The following ADAM15 variants were observed in gnomAD, a reference collection of about 807,000 sequenced individuals.
ADAM15 encodes the protein ADAM metallopeptidase domain 15, also known as disintegrin and metalloproteinase domain-containing protein 15.
Under a neutral mutation model 113.8 loss-of-function variants are expected in ADAM15, and 77 were observed. That is an observed-to-expected ratio of 0.68 (90% confidence interval 0.56 to 0.82). The LOEUF (loss-of-function observed/expected upper bound fraction) is 0.82, where lower values mean the gene tolerates loss of function less well. ADAM15 is among the 40% of genes least tolerant of loss of function. The probability of loss-of-function intolerance (pLI) is 0.00; values close to 1 mark genes in which losing one functional copy is unlikely to be tolerated. For synonymous variants in ADAM15, 388 were observed against 454.1 expected (o/e 0.85, Z 1.85); for missense variants, 963 against 1,120.1 (o/e 0.86, Z 2.00).
At chr1:155,060,111 C>T in intron 17 of ADAM15, 94 bp from the exon 18 acceptor site, 1 of 1,578,230 alleles carries the variant, frequency 6.3e-7, no homozygotes, top group Non-Finnish European at 8.7e-7. Flanking sequence ...CCTTCACTCT[C>T]CCTGATCACT....
intron 3 of ADAM15, 118 bp downstream of exon 3, chr1:155,053,611 A>T: frequency 9.9e-7 from 1 of 1,013,872 alleles, no homozygotes; most frequent in South Asian, 1.4e-5. Flanking sequence ...CCTATAAGGG[A>T]TATACTATCA....
rs547383541 is a variant in ADAM15, at chr1:155,058,966, A to G, written c.1995+179A>G. ...CAGTTTCCCCACCTATCAAATGGCTATAATAATAGTATCCCCATCCAGGGT... is the reference window on the plus strand; with the variant it reads ...CAGTTTCCCCACCTATCAAATGGCTGTAATAATAGTATCCCCATCCAGGGT... On this transcript the variant is annotated intron_variant, in intron 16 of 22. Coordinates refer to ENST00000356955, the MANE Select transcript of ADAM15 (RefSeq NM_207197.3). This position sits in a 1 kb window ranked among gnomAD's most constrained non-coding sequence, Gnocchi z 4.3. Among the ~76,000 whole-genome samples, 11 of 152,326 alleles carry G rather than the reference A, an allele frequency of 7.2e-5. No homozygotes were observed. The highest frequency in any genetic ancestry group is 5.9e-4 in the Admixed American group (9 of 15,306).
intron 3 of ADAM15, 28 bp downstream of exon 3, chr1:155,053,521 A>C: frequency 6.2e-7 from 1 of 1,610,570 alleles, no homozygotes; most frequent in Non-Finnish European, 8.5e-7. Context: ...AATAACAGTG[A>C]CCACATGGCC....
In ADAM15 at chr1:155,059,923, T is replaced by A. The variant is rs773944412; in HGVS notation, c.2017T>A (p.Cys673Ser). Residue 673 changes from cysteine (C) to serine (S), a missense_variant, in exon 17 of 23, where the codon TGC becomes AGC. By Grantham distance (112) the Cys-to-Ser change is moderately radical (BLOSUM62 -1). Coordinates refer to ENST00000356955, the MANE Select transcript of ADAM15 (RefSeq NM_207197.3). ...CTAGGTCTGTGACAGCAACAGGCAC[T>A]GCTACTGTGAGGAGGGCTGGGCACC... ...GHGVCDSNRHCYCEEGWAPPD... is the reference protein window; with the variant it reads ...GHGVCDSNRHSYCEEGWAPPD... 6.2e-7 allele frequency: 1 copy of A among 1,614,092 alleles called. No homozygotes were observed. The highest frequency in any genetic ancestry group is 8.5e-7 in the Non-Finnish European group (1 of 1,179,972).
chr1:155,061,678 C>A, intron 20 of ADAM15, 189 bp downstream of exon 20: 2 of 781,818 alleles, frequency 2.6e-6, no homozygotes, highest in Non-Finnish European at 4.0e-6. Flanking sequence ...CTACCACCAT[C>A]TGGTGGTCAA....
chr1:155,054,763 A>G (rs907415624), intron 6 of ADAM15, among the ~76,000 whole-genome samples: 2 of 152,156 alleles, frequency 1.3e-5, no homozygotes, highest in African/African-American at 4.8e-5. Context: ...CCAGCCACTC[A>G]GGAGGCCGAA....
At chr1:155,051,654 G>T in intron 1 of ADAM15, 189 bp downstream of exon 1, 1 of 496,590 alleles carries the variant, frequency 2.0e-6, no homozygotes, top group Admixed American at 4.5e-5. Context: ...AGAAGGAGGG[G>T]GGATGCCGGC....
In ADAM15 at chr1:155,062,604, C is replaced by A; in HGVS notation, c.*102C>A. 6.7e-7 allele frequency: 1 copy of A among 1,489,530 alleles called. No homozygotes were observed. Among genetic ancestry groups the A allele is most frequent in the Middle Eastern group, 1.9e-4 (1 of 5,208 alleles). The allele number at this position is 1,489,530 out of a possible 1,614,324, so 92.3% of individuals were successfully genotyped here. A position where few individuals can be genotyped will look rare whatever the true frequency, so the allele number is the denominator to read the frequency against. ...CATGACTGAAGGCGCCAGAGACTGG[C>A]GGTGTCTTAAGACTCCGGGCACCGC... On this transcript the variant is annotated 3_prime_UTR_variant, in exon 23 of 23. Transcript: ENST00000356955. The surrounding 1 kb of genome is among the most constrained non-coding windows in gnomAD (Gnocchi z 7.0).
intron 16 of ADAM15, 39 bp from the exon 17 acceptor site, chr1:155,059,863 G>C: frequency 6.3e-7 from 1 of 1,593,874 alleles, no homozygotes; most frequent in Non-Finnish European, 8.6e-7. Context: ...AATAGTTCCA[G>C]AGTGCAGAGC....
intron 18 of ADAM15, 77 bp from the exon 19 acceptor site, chr1:155,060,686 C>A: frequency 6.7e-7 from 1 of 1,489,122 alleles, no homozygotes; most frequent in Non-Finnish European, 9.4e-7. Context: ...AGGGTTAACC[C>A]CACTCAGGGA....
intron 2 of ADAM15, 75 bp from the exon 3 acceptor site, chr1:155,053,342 C>T: frequency 1.4e-6 from 2 of 1,382,620 alleles, no homozygotes; most frequent in African/African-American, 1.4e-5. Flanking sequence ...TTCTGTGGGC[C>T]TGAGGTTTTC....
rs1662678283 is a variant in ADAM15 at position 155,061,889 on chromosome 1, CCT to C, written c.2353-8_2353-7del. The C allele has an allele frequency of 5.3e-6, 8 of 1,512,240 alleles. No individual in the cohort carries two copies. The highest frequency in any genetic ancestry group is 2.3e-5 in the East Asian group (1 of 43,088). 93.7% of individuals were successfully genotyped at this position (1,512,240 alleles called of 1,614,324 possible). On this transcript the variant is annotated splice_polypyrimidine_tract_variant and intron_variant, in intron 20 of 22. Transcript: ENST00000356955. ...TGGTTATGCTCTCACAGCCACTGCC[CCT>C]CTCTCTGTTCAGGCTGAGCTGGCTG...
In ADAM15 at chr1:155,051,458, A is replaced by G. The variant is rs1229938434; in HGVS notation, c.72A>G (p.Pro24=). ...GCCCTCTGCCTTCCTGGCCGCTCCC[A>G]AATATAGGTGAGTCCTCCGCCTGGA... ...AGSPLPSWPL[P]NIGGTEEQQA... Residue 24 remains proline (P), a synonymous_variant, in exon 1 of 23, where the codon CCA becomes CCG. Transcript: ENST00000356955. 6.4e-7 allele frequency: 1 copy of G among 1,565,370 alleles called. No homozygotes were observed. Among genetic ancestry groups the G allele is most frequent in the South Asian group, 1.2e-5 (1 of 85,274 alleles).
At chr1:155,060,946 G>A in intron 19 of ADAM15, 114 bp downstream of exon 19, 3 of 1,052,186 alleles carry the variant, frequency 2.9e-6, no homozygotes, top group South Asian at 1.4e-5. Context: ...CACTGCCCAA[G>A]AGTCAGTCGA....
intron 19 of ADAM15, 192 bp downstream of exon 19, chr1:155,061,024 G>T (rs1240861568): frequency 1.6e-6 from 1 of 614,674 alleles, no homozygotes; most frequent in Non-Finnish European, 2.8e-6. Context: ...CCAGAAGAGT[G>T]GGGAGGGCAG....
At chr1:155,060,688 A>T (rs1428162610) in intron 18 of ADAM15, 75 bp from the exon 19 acceptor site, 15 of 1,495,888 alleles carry the variant, frequency 1.0e-5, no homozygotes, top group Non-Finnish European at 1.3e-5. Context: ...GGTTAACCCC[A>T]CTCAGGGATG....
At chr1:155,054,875 A>G (rs1472919194) in intron 6 of ADAM15, among the ~76,000 whole-genome samples, 5 of 152,118 alleles carry the variant, frequency 3.3e-5, no homozygotes, top group African/African-American at 1.2e-4. Context: ...GTCTCAAAAA[A>G]TAAAATAAAA....
At position 155,056,310 on chromosome 1, in the gene ADAM15, C is replaced by T. The variant is rs1661754413; in HGVS notation, c.914+61C>T. 3 of 1,611,390 alleles carry T rather than the reference C, an allele frequency of 1.9e-6. No homozygotes were observed. The highest frequency in any genetic ancestry group is 2.5e-6 in the Non-Finnish European group (3 of 1,178,126). On this transcript the variant is annotated intron_variant, in intron 9 of 22. Coordinates refer to ENST00000356955, the MANE Select transcript of ADAM15 (RefSeq NM_207197.3). This position sits in a 1 kb window ranked among gnomAD's most constrained non-coding sequence, Gnocchi z 4.0. Reference sequence around the variant, plus strand: ...TGTCCTGGCCAAATTCACACCCCTTCAGCACCCTACCTCAGCCCCTGAAGC... The same window carrying T: ...TGTCCTGGCCAAATTCACACCCCTTTAGCACCCTACCTCAGCCCCTGAAGC...
chr1:155,051,332 C>A lies in ADAM15; in HGVS notation c.-55C>A. 7.5e-7 allele frequency: 1 copy of A among 1,329,744 alleles called. No homozygotes were observed. Among genetic ancestry groups the A allele is most frequent in the South Asian group, 1.7e-5 (1 of 57,182 alleles). The allele number at this position is 1,329,744 out of a possible 1,614,324, so 82.4% of individuals were successfully genotyped here. A position where few individuals can be genotyped will look rare whatever the true frequency, so the allele number is the denominator to read the frequency against. On this transcript the variant is annotated 5_prime_UTR_variant, in exon 1 of 23. Coordinates refer to ENST00000356955, the MANE Select transcript of ADAM15 (RefSeq NM_207197.3). ...CGAGGCGACCTGGCCGCCGGCCGCT[C>A]CTCCGCGCGCTGTTCCGCACTTGCT...
Sources: allele counts gnomAD v4.1 joint callset (sites outside exome capture counted in the v4.1 genomes callset), GRCh38; gene constraint gnomAD v4.1.1; non-coding constraint Gnocchi (gnomAD v3.1); transcripts MANE v1.5; gene names NCBI Gene and HGNC (gene_info 2026-07-23, HGNC 2026-07-21).